The following INTS1 variants were observed in gnomAD, a reference collection of about 807,000 sequenced individuals.
The protein encoded by INTS1 is integrator complex subunit 1.
In INTS1, 137 loss-of-function variants were observed where a neutral mutation model predicts 241.6. The ratio of observed to expected loss-of-function variants is 0.57; its 90% CI spans 0.49 to 0.65. The LOEUF is 0.65. Ranked by LOEUF, INTS1 falls within the 30% of genes least tolerant of loss-of-function variation. INTS1 has a pLI of 0.00. For missense variants in INTS1, 3,073 were observed against 3,032.2 expected (o/e 1.01, Z -0.32); for synonymous variants, 1,692 against 1,337.8 (o/e 1.26, Z -5.78).
chr7:1,486,903 A>C lies in INTS1; in HGVS notation c.2826+19T>G. The C allele has an allele frequency of 1.1e-6, 1 of 948,028 alleles. No individual in the cohort carries two copies. The highest frequency in any genetic ancestry group is 1.4e-6 in the Non-Finnish European group (1 of 703,522). 58.7% of individuals were successfully genotyped at this position (948,028 alleles called of 1,614,324 possible). On this transcript the variant is annotated intron_variant, in intron 21 of 47. Coordinates refer to ENST00000404767, the MANE Select transcript of INTS1 (RefSeq NM_001080453.3). ...TGCGGGGTGAGAGGCGGGGGGGCTGAGGGGTGGGCGGCCCTGACCTGCCGC... is the reference window on the plus strand; with the variant it reads ...TGCGGGGTGAGAGGCGGGGGGGCTGCGGGGTGGGCGGCCCTGACCTGCCGC...
chr7:1,483,540 C>A, intron 26 of INTS1: 1 of 620,148 alleles, frequency 1.6e-6, no homozygotes, highest in East Asian at 2.8e-5. Flanking sequence ...ACGTGGGGAT[C>A]TCCCACACGT....
At chr7:1,491,906 CA>C (rs1186567056) in intron 16 of INTS1, among the ~76,000 whole-genome samples, 1 of 152,170 alleles carries the variant, frequency 6.6e-6, no homozygotes, top group Non-Finnish European at 1.5e-5. Context: ...CCGTTCCCCA[CA>C]AAAAACGGAA....
intron 12 of INTS1, 98 bp from the exon 13 acceptor site, chr7:1,495,651 G>T: frequency 6.9e-7 from 1 of 1,442,106 alleles, no homozygotes; most frequent in African/African-American, 1.4e-5. Context: ...ACTTGGGAGG[G>T]GGTAACTCAG....
intron 41 of INTS1, 82 bp from the exon 42 acceptor site, chr7:1,473,775 C>A: frequency 6.4e-7 from 1 of 1,555,776 alleles, no homozygotes; most frequent in Non-Finnish European, 8.8e-7. Flanking sequence ...GCTCCCAGAG[C>A]CTCAGGGCAT....
chr7:1,500,427 G>A lies in INTS1; in HGVS notation c.350-61C>T, dbSNP rs1783115735. Reference sequence around the variant, plus strand: ...AGGGCAGGGTCACCCCAAAGCCTCGGGACACCGGGAAGACCACGAGGAACC... The same window carrying A: ...AGGGCAGGGTCACCCCAAAGCCTCGAGACACCGGGAAGACCACGAGGAACC... On this transcript the variant is annotated intron_variant, in intron 3 of 47. Coordinates refer to ENST00000404767, the MANE Select transcript of INTS1 (RefSeq NM_001080453.3). 11 of 1,445,524 alleles carry A rather than the reference G, an allele frequency of 7.6e-6. No individual in the cohort carries two copies. The South Asian group carries it at 1.5e-4, about 20-fold the overall frequency. 89.5% of individuals were successfully genotyped at this position (1,445,524 alleles called of 1,614,324 possible).
chr7:1,484,041 TGC>T lies in INTS1; in HGVS notation c.3389_3390del (p.Arg1130HisfsTer87). On this transcript the variant is annotated frameshift_variant, in exon 25 of 48. Coordinates refer to ENST00000404767, the MANE Select transcript of INTS1 (RefSeq NM_001080453.3). LOFTEE classifies it high-confidence loss of function. ...LLSIFSRYVR[R>X]MRQSKEGEEV... ...TCCTCGCCCTCCTTGCTCTGCCGCA[TGC>T]GCCTCACGTAGCGTGAGAAGATGGA... is the stretch of plus-strand genomic sequence containing the variant. 1 of 1,611,700 alleles carries T rather than the reference TGC, an allele frequency of 6.2e-7. No individual in the cohort carries two copies. The highest frequency in any genetic ancestry group is 8.5e-7 in the Non-Finnish European group (1 of 1,179,324).
chr7:1,474,852 CG>C lies in INTS1; in HGVS notation c.5503-15del. 6.3e-7 allele frequency: 1 copy of C among 1,575,000 alleles called. No homozygotes were observed. The highest frequency in any genetic ancestry group is 8.6e-7 in the Non-Finnish European group (1 of 1,162,178). ...GAGTCCGTCCAGCTGCAGGGAGGGG[CG>C]CTCTGAGGCCGGGGCCGCTGGCTCC... On this transcript the variant is annotated splice_polypyrimidine_tract_variant and intron_variant, in intron 39 of 47. Coordinates refer to ENST00000404767, the MANE Select transcript of INTS1 (RefSeq NM_001080453.3).
intron 9 of INTS1, 49 bp from the exon 10 acceptor site, chr7:1,498,602 C>A (rs368213016): frequency 6.3e-7 from 1 of 1,596,902 alleles, no homozygotes; most frequent in African/African-American, 1.5e-5. Context: ...CCTGTGCCCC[C>A]ACTCCGCCTG....
Position 1,487,465 on chromosome 7 carries a change from G to T in INTS1, c.2517-16C>A, listed in dbSNP as rs745943904. The T allele has an allele frequency of 3.7e-6, 6 of 1,608,430 alleles. No homozygotes were observed. The highest frequency in any genetic ancestry group is 4.2e-6 in the Non-Finnish European group (5 of 1,178,438). On this transcript the variant is annotated splice_polypyrimidine_tract_variant and intron_variant, in intron 19 of 47. Transcript: ENST00000404767. Reference sequence around the variant, plus strand: ...GGGGGGCCCCCTGAGGGCCACAGGGGACACGGTGCGTCAGCACGCCCTGAG... The same window carrying T: ...GGGGGGCCCCCTGAGGGCCACAGGGTACACGGTGCGTCAGCACGCCCTGAG...
At chr7:1,487,980 G>C (rs752790433) in intron 18 of INTS1, 23 bp from the exon 19 acceptor site, 2 of 1,610,874 alleles carry the variant, frequency 1.2e-6, no homozygotes, top group African/African-American at 2.7e-5. Flanking sequence ...GGGGGAGCGT[G>C]TCACCCTGCC....
intron 24 of INTS1, among the ~76,000 whole-genome samples, chr7:1,484,439 C>A (rs1287250845): frequency 6.6e-6 from 1 of 152,238 alleles, no homozygotes; most frequent in Admixed American, 6.5e-5. Context: ...CAGCCACCAT[C>A]TGTTCACCTA....
chr7:1,485,224 G>C, intron 23 of INTS1, 22 bp from the exon 24 acceptor site: 2 of 1,599,362 alleles, frequency 1.3e-6, no homozygotes, highest in Non-Finnish European at 1.7e-6. Context: ...GGTGGTCTGA[G>C]CGGCAACAGG....
At position 1,497,170 on chromosome 7, in the gene INTS1, T is replaced by C. The variant is rs1449217783; in HGVS notation, c.1570A>G (p.Lys524Glu). 1.9e-6 allele frequency: 3 copies of C among 1,609,632 alleles called. No homozygotes were observed. Among genetic ancestry groups the C allele is most frequent in the Non-Finnish European group, 2.5e-6 (3 of 1,178,554 alleles). ...AFCLGLMQER[K>E]EPQYLEMEFK... ...TCCATCTCCAGGTACTGCGGCTCCT[T>C]GCGCTCCTGCATGAGCCCCAGGCAG... Residue 524 changes from lysine (K) to glutamate (E), a missense_variant, in exon 11 of 48, where the codon AAG becomes GAG. Coordinates refer to ENST00000404767, the MANE Select transcript of INTS1 (RefSeq NM_001080453.3). The surrounding 1 kb of genome is among the most constrained non-coding windows in gnomAD (Gnocchi z 5.3).
Position 1,497,017 on chromosome 7 carries a change from G to A in INTS1, c.1602+121C>T, listed in dbSNP as rs1251717287. On this transcript the variant is annotated intron_variant, in intron 11 of 47. Coordinates refer to ENST00000404767, the MANE Select transcript of INTS1 (RefSeq NM_001080453.3). This position sits in a 1 kb window ranked among gnomAD's most constrained non-coding sequence, Gnocchi z 5.3. ...ACCGCAAACAGCCTCACTCATCCCC[G>A]TACCCACGCTCAGCCAGAGCATCCG... The A allele has an allele frequency of 5.8e-6, 6 of 1,026,628 alleles. No homozygotes were observed. The highest frequency in any genetic ancestry group is 3.2e-5 in the African/African-American group (2 of 61,618). 63.6% of individuals were successfully genotyped at this position (1,026,628 alleles called of 1,614,324 possible).
rs1284334956 is a variant in INTS1, at chr7:1,493,140, T to C, written c.2069-34A>G. 6.5e-7 allele frequency: 1 copy of C among 1,548,538 alleles called. No individual in the cohort carries two copies. Among genetic ancestry groups the C allele is most frequent in the Non-Finnish European group, 8.9e-7 (1 of 1,128,678 alleles). On this transcript the variant is annotated intron_variant, in intron 15 of 47. Transcript: ENST00000404767. The surrounding 1 kb of genome is among the most constrained non-coding windows in gnomAD (Gnocchi z 5.3). ...AAGAGCCACACATGGGTTCTGGGGC[T>C]GCTCACAGACCATCAGGCACAGGCA... is the stretch of plus-strand genomic sequence containing the variant.
chr7:1,487,736 G>A, intron 19 of INTS1, 24 bp downstream of exon 19: 1 of 1,603,374 alleles, frequency 6.2e-7, no homozygotes, highest in Non-Finnish European at 8.5e-7. Context: ...GCAGGCGCAG[G>A]GCGGGGCTGT....
In INTS1 at chr7:1,473,625, G is replaced by A. The variant is rs747090651; in HGVS notation, c.5898C>T (p.Tyr1966=). 3 of 1,613,170 alleles carry A rather than the reference G, an allele frequency of 1.9e-6. No individual in the cohort carries two copies. The highest frequency in any genetic ancestry group is 2.5e-6 in the Non-Finnish European group (3 of 1,179,666). ...INKFVQFIHK[Y]ITYNAPAAIS... ...TGGCTGCTGGGGCATTGTAGGTAAT[G>A]TACTTATGGATGAACTGCACAAACT... is the stretch of plus-strand genomic sequence containing the variant. The change falls in exon 42 of 48, where the codon TAC becomes TAT. Residue 1966 remains tyrosine (Y), a synonymous_variant. Coordinates refer to ENST00000404767, the MANE Select transcript of INTS1 (RefSeq NM_001080453.3).
At chr7:1,503,861 C>CCCCAAAGACA in intron 2 of INTS1, 42 bp downstream of exon 2, 2 of 1,490,896 alleles carry the variant, frequency 1.3e-6, no homozygotes, top group South Asian at 1.2e-5. Context: ...CCCCAAAGAC[C>CCCCAAAGACA]CCCAAAGACC....
In INTS1 at chr7:1,493,222, G is replaced by T; in HGVS notation, c.2069-116C>A. ...GGGGTGGGGTGGGGGATGCCGCAGGGTGGGGCGCAGGCCTGAGCAGGAGAG... is the reference window on the plus strand; with the variant it reads ...GGGGTGGGGTGGGGGATGCCGCAGGTTGGGGCGCAGGCCTGAGCAGGAGAG... On this transcript the variant is annotated intron_variant, in intron 15 of 47. Transcript: ENST00000404767. The surrounding 1 kb of genome is among the most constrained non-coding windows in gnomAD (Gnocchi z 5.3). 2.8e-6 allele frequency: 2 copies of T among 712,266 alleles called. No individual in the cohort carries two copies. The highest frequency in any genetic ancestry group is 2.8e-5 in the East Asian group (1 of 35,406). 44.1% of individuals were successfully genotyped at this position (712,266 alleles called of 1,614,324 possible). A position where few individuals can be genotyped will look rare whatever the true frequency, so the allele number is the denominator to read the frequency against.
Sources: gnomAD v4.1 joint callset for allele counts (sites outside exome capture counted in the v4.1 genomes callset) on GRCh38, gnomAD v4.1.1 for gene constraint, Gnocchi (gnomAD v3.1) non-coding constraint, MANE v1.5 for transcripts, NCBI Gene and HGNC (gene_info 2026-07-23, HGNC 2026-07-21) for gene names.